Variants in FOXD2 observed in about 807,000 individuals in gnomAD.
FOXD2 encodes forkhead box protein D2.
In FOXD2, 4 loss-of-function variants were observed where a neutral mutation model predicts 6.4. The observed-to-expected ratio is 0.62, with a 90% CI of 0.31 to 1.42. The LOEUF (loss-of-function observed/expected upper bound fraction) is 1.42, where lower values mean the gene tolerates loss of function less well. Among genes scored for constraint, FOXD2 ranks in the 40% most tolerant of loss-of-function variants. FOXD2 has a pLI of 0.08. For missense variants in FOXD2, 709 were observed against 766.8 expected (o/e 0.92, Z 0.89); for synonymous variants, 393 against 373.6 (o/e 1.05, Z -0.60).
rs983644606 is a variant in FOXD2 at position 47,438,060 on chromosome 1, C to T, written c.-76C>T. The T allele has an allele frequency of 5.9e-4, 764 of 1,285,642 alleles. 1 individual carries two copies. Among genetic ancestry groups the T allele is most frequent in the Middle Eastern group, 2.4e-3 (8 of 3,334 alleles). 79.6% of individuals were successfully genotyped at this position (1,285,642 alleles called of 1,614,324 possible). A position where few individuals can be genotyped will look rare whatever the true frequency, so the allele number is the denominator to read the frequency against. ...CGCCCGCGCGCAAAACGCACTCGCC[C>T]CAGAGGCAGCGCGGCCGAGCCCGAG... On this transcript the variant is annotated 5_prime_UTR_variant, in exon 1 of 1. Coordinates refer to ENST00000334793, the MANE Select transcript of FOXD2 (RefSeq NM_004474.4).
chr1:47,439,859 C>A lies in FOXD2; in HGVS notation c.*236C>A. ...CGCGAAGAAGTCGCAGGCCAAGATTCTTTACAGTTTGAGAAATAAAAGCAG... is the reference window on the plus strand; with the variant it reads ...CGCGAAGAAGTCGCAGGCCAAGATTATTTACAGTTTGAGAAATAAAAGCAG... On this transcript the variant is annotated 3_prime_UTR_variant, in exon 1 of 1. Coordinates refer to ENST00000334793, the MANE Select transcript of FOXD2 (RefSeq NM_004474.4). The A allele has an allele frequency of 2.0e-6, 1 of 512,720 alleles. No homozygotes were observed. Among genetic ancestry groups the A allele is most frequent in the South Asian group, 3.0e-5 (1 of 32,884 alleles). 31.8% of individuals were successfully genotyped at this position (512,720 alleles called of 1,614,324 possible). A position where few individuals can be genotyped will look rare whatever the true frequency, so the allele number is the denominator to read the frequency against.
rs758877986 is a variant in FOXD2 at position 47,438,484 on chromosome 1, G to C, written c.349G>C (p.Gly117Arg). The change falls in exon 1 of 1, where the codon GGG becomes CGG. Residue 117 changes from glycine to arginine, a missense_variant. Transcript: ENST00000334793. ...GGGGCCCGGGCCGGGACCGCCGTCG[G>C]GGGGCGCGGCGACGCGGAGCCCGCT... ...AAGPGPGPPS[G>R]GAATRSPLVK... is the part of the protein sequence containing the mutation. 4.5e-6 allele frequency: 7 copies of C among 1,569,558 alleles called. No individual in the cohort carries two copies. The highest frequency in any genetic ancestry group is 2.5e-5 in the East Asian group (1 of 40,360).
Position 47,439,556 on chromosome 1 carries a change from A to G in FOXD2, c.1421A>G (p.Asp474Gly). 6.4e-7 allele frequency: 1 copy of G among 1,554,810 alleles called. No homozygotes were observed. ...AGHIRLSHPG[D>G]ALLSSGSRFA... ...CACATTCGCCTCTCGCATCCCGGGG[A>G]CGCGCTGCTGTCCTCAGGGTCCCGG... Residue 474 changes from aspartate (D) to glycine (G), a missense_variant, in exon 1 of 1, where the codon GAC becomes GGC. Physicochemically the swap from Asp to Gly is moderately conservative, Grantham distance 94. Transcript: ENST00000334793.
Position 47,438,147 on chromosome 1 carries a change from C to T in FOXD2, c.12C>T (p.Gly4=). Residue 4 remains glycine (G), a synonymous_variant, in exon 1 of 1, where the codon GGC becomes GGT. Transcript: ENST00000334793. ...GCGGCAGCGGCACCATGACCCTGGG[C>T]AGCTGCTGCTGCGAGATCATGTCCT... The part of the protein sequence containing the change: MTL[G]SCCCEIMSSE... 6.9e-7 allele frequency: 1 copy of T among 1,455,046 alleles called. No homozygotes were observed. Among genetic ancestry groups the T allele is most frequent in the African/African-American group, 1.5e-5 (1 of 68,144 alleles). 90.1% of individuals were successfully genotyped at this position (1,455,046 alleles called of 1,614,324 possible).
At position 47,439,092 on chromosome 1, in the gene FOXD2, A is replaced by C; in HGVS notation, c.957A>C (p.Pro319=). ...CCCCAGGCCGCGCCGCCGCGCCTCCACCCGGACCTCCGACGGCCTCGGTGT... is the reference window on the plus strand; with the variant it reads ...CCCCAGGCCGCGCCGCCGCGCCTCCCCCCGGACCTCCGACGGCCTCGGTGT... The part of the protein sequence containing the change: ...SVPPGRAAAP[P]PGPPTASVFA... The change falls in exon 1 of 1, where the codon CCA becomes CCC. Residue 319 remains proline (P), a synonymous_variant. Coordinates refer to ENST00000334793, the MANE Select transcript of FOXD2 (RefSeq NM_004474.4). The C allele has an allele frequency of 6.9e-7, 1 of 1,454,922 alleles. No homozygotes were observed. The highest frequency in any genetic ancestry group is 9.0e-7 in the Non-Finnish European group (1 of 1,108,962). 90.1% of individuals were successfully genotyped at this position (1,454,922 alleles called of 1,614,324 possible).
rs760337978 is a variant in FOXD2, at chr1:47,439,459, G to A, written c.1324G>A (p.Ala442Thr). 1 of 1,543,006 alleles carries A rather than the reference G, an allele frequency of 6.5e-7. No homozygotes were observed. Residue 442 changes from alanine (A) to threonine (T), a missense_variant, in exon 1 of 1, where the codon GCC becomes ACC. This residue lies in a region of FOXD2 where 322 missense variants were observed against 313.8 expected (regional missense o/e 1.03). Transcript: ENST00000334793. The stretch of plus-strand genomic sequence containing the variant: ...CTCTCCGGGACCGCCATTCGCGGCA[G>A]CCGCGGGTCCTGGGGGCCAAGCCCA... ...EGSPGPPFAA[A>T]AGPGGQAQVL... is the part of the protein sequence containing the mutation.
Position 47,439,357 on chromosome 1 carries a change from C to A in FOXD2, c.1222C>A (p.Gln408Lys). Reference sequence around the variant, plus strand: ...AGGCGGCGGGGGCGCCGGGGCAGGGCAGAGGCCTTCCTTCTCTATAGACCA... The same window carrying A: ...AGGCGGCGGGGGCGCCGGGGCAGGGAAGAGGCCTTCCTTCTCTATAGACCA... ...GAGGGGAGAG[Q>K]RPSFSIDHIM... The change falls in exon 1 of 1, where the codon CAG (glutamine) becomes AAG (lysine). Residue 408 changes from glutamine to lysine, a missense_variant. Transcript: ENST00000334793. 6.6e-7 allele frequency: 1 copy of A among 1,510,546 alleles called. No individual in the cohort carries two copies. Among genetic ancestry groups the A allele is most frequent in the South Asian group, 1.3e-5 (1 of 79,324 alleles). 93.6% of individuals were successfully genotyped at this position (1,510,546 alleles called of 1,614,324 possible). A position where few individuals can be genotyped will look rare whatever the true frequency, so the allele number is the denominator to read the frequency against.
In FOXD2 at chr1:47,439,722, C is replaced by T. The variant is rs901601602; in HGVS notation, c.*99C>T. On this transcript the variant is annotated 3_prime_UTR_variant, in exon 1 of 1. Transcript: ENST00000334793. The stretch of plus-strand genomic sequence containing the variant: ...CTCAGGGAGTCTATTTATGAAGTCT[C>T]CAGACCTTGGGCCGGCACGCGTGAC... 1.7e-6 allele frequency: 2 copies of T among 1,181,506 alleles called. No individual in the cohort carries two copies. Among genetic ancestry groups the T allele is most frequent in the Admixed American group, 5.6e-5 (2 of 35,844 alleles). 73.2% of individuals were successfully genotyped at this position (1,181,506 alleles called of 1,614,324 possible).
rs568961280 is a variant in FOXD2, at chr1:47,440,548, G to C, written c.*925G>C. 3 of 167,268 alleles carry C rather than the reference G, an allele frequency of 1.8e-5. No individual in the cohort carries two copies. The South Asian group carries it at 6.2e-4, about 35-fold the overall frequency. 10.4% of individuals were successfully genotyped at this position (167,268 alleles called of 1,614,324 possible). ...CAGCGCGCTGCTCTCGGCGTTCTCT[G>C]TCCACTGGGTGTGCATTGATTTAAA... On this transcript the variant is annotated 3_prime_UTR_variant, in exon 1 of 1. Coordinates refer to ENST00000334793, the MANE Select transcript of FOXD2 (RefSeq NM_004474.4).
Position 47,439,857 on chromosome 1 carries a change from T to C in FOXD2, c.*234T>C, listed in dbSNP as rs1646998336. On this transcript the variant is annotated 3_prime_UTR_variant, in exon 1 of 1. Transcript: ENST00000334793. ...TACGCGAAGAAGTCGCAGGCCAAGA[T>C]TCTTTACAGTTTGAGAAATAAAAGC... 1.9e-6 allele frequency: 1 copy of C among 517,610 alleles called. No homozygotes were observed. Among genetic ancestry groups the C allele is most frequent in the East Asian group, 3.6e-5 (1 of 27,552 alleles). The allele number at this position is 517,610 out of a possible 1,614,324, so 32.1% of individuals were successfully genotyped here.
At position 47,438,643 on chromosome 1, in the gene FOXD2, G is replaced by T; in HGVS notation, c.508G>T (p.Ala170Ser). 1.9e-6 allele frequency: 3 copies of T among 1,613,948 alleles called. No individual in the cohort carries two copies. The highest frequency in any genetic ancestry group is 2.5e-6 in the Non-Finnish European group (3 of 1,179,954). The change falls in exon 1 of 1, where the codon GCC becomes TCC. Residue 170 changes from alanine (A) to serine (S), a missense_variant. This residue lies in a region of FOXD2 where 69 missense variants were observed against 145.6 expected (regional missense o/e 0.47). Coordinates refer to ENST00000334793, the MANE Select transcript of FOXD2 (RefSeq NM_004474.4). ...RFPYYREKFPAWQNSIRHNLS... is the reference protein window; with the variant it reads ...RFPYYREKFPSWQNSIRHNLS... ...CCCCTACTACCGGGAGAAGTTCCCCGCCTGGCAGAACAGCATCCGCCACAA... is the reference window on the plus strand; with the variant it reads ...CCCCTACTACCGGGAGAAGTTCCCCTCCTGGCAGAACAGCATCCGCCACAA...
Position 47,439,083 on chromosome 1 carries a change from C to A in FOXD2, c.948C>A (p.Ala316=). The change falls in exon 1 of 1, where the codon GCC becomes GCA. Residue 316 remains alanine (A), a synonymous_variant. Transcript: ENST00000334793. ...CQLSVPPGRA[A]APPPGPPTAS... ...TGTCGGTACCCCCAGGCCGCGCCGC[C>A]GCGCCTCCACCCGGACCTCCGACGG... The A allele has an allele frequency of 6.9e-7, 1 of 1,449,000 alleles. No homozygotes were observed. Among genetic ancestry groups the A allele is most frequent in the Non-Finnish European group, 9.0e-7 (1 of 1,105,628 alleles). The allele number at this position is 1,449,000 out of a possible 1,614,324, so 89.8% of individuals were successfully genotyped here. A position where few individuals can be genotyped will look rare whatever the true frequency, so the allele number is the denominator to read the frequency against.
rs1442691222 is a variant in FOXD2 at position 47,438,308 on chromosome 1, C to G, written c.173C>G (p.Pro58Arg). The G allele has an allele frequency of 3.1e-6, 4 of 1,306,010 alleles. No homozygotes were observed. The African/African-American group carries it at 6.2e-5, about 20-fold the overall frequency. The allele number at this position is 1,306,010 out of a possible 1,614,324, so 80.9% of individuals were successfully genotyped here. A position where few individuals can be genotyped will look rare whatever the true frequency, so the allele number is the denominator to read the frequency against. Reference protein sequence around the residue: ...PRDVLPHGHEPPAEEAEADLA... With the variant: ...PRDVLPHGHERPAEEAEADLA... ...GACGTGCTCCCCCACGGCCACGAGCCTCCCGCGGAGGAAGCCGAGGCAGAC... is the reference window on the plus strand; with the variant it reads ...GACGTGCTCCCCCACGGCCACGAGCGTCCCGCGGAGGAAGCCGAGGCAGAC... Residue 58 changes from proline to arginine, a missense_variant, in exon 1 of 1, where the codon CCT becomes CGT. Coordinates refer to ENST00000334793, the MANE Select transcript of FOXD2 (RefSeq NM_004474.4).
Position 47,439,283 on chromosome 1 carries a change from C to T in FOXD2, c.1148C>T (p.Pro383Leu), listed in dbSNP as rs1256738091. ...GCAGCCGGCACCGCGGCGGGTCTGC[C>T]CACCGCACTTCTGCGCCAGGGCCTC... ...PPAAGTAAGL[P>L]TALLRQGLKT... Residue 383 changes from proline (P) to leucine (L), a missense_variant, in exon 1 of 1, where the codon CCC (proline) becomes CTC (leucine). This residue lies in a region of FOXD2 where 322 missense variants were observed against 313.8 expected (regional missense o/e 1.03). Transcript: ENST00000334793. 6.7e-7 allele frequency: 1 copy of T among 1,500,892 alleles called. No homozygotes were observed. Among genetic ancestry groups the T allele is most frequent in the Non-Finnish European group, 8.8e-7 (1 of 1,137,256 alleles). The allele number at this position is 1,500,892 out of a possible 1,614,324, so 93.0% of individuals were successfully genotyped here.
chr1:47,438,263 C>T lies in FOXD2; in HGVS notation c.128C>T (p.Ser43Phe). ...GSGGGELPAR[S>F]GPRAPRDVLP... Reference sequence around the variant, plus strand: ...GGCGGGGGGGAGCTCCCAGCTCGCTCCGGGCCCCGCGCCCCCCGGGACGTG... The same window carrying T: ...GGCGGGGGGGAGCTCCCAGCTCGCTTCGGGCCCCGCGCCCCCCGGGACGTG... The change falls in exon 1 of 1, where the codon TCC becomes TTC. Residue 43 changes from serine (S) to phenylalanine (F), a missense_variant. By Grantham distance (155) the Ser-to-Phe change is radical. Around this residue, in one of 5 missense-constraint regions of FOXD2, gnomAD observed 220 missense variants for 199.2 expected, o/e 1.10. Coordinates refer to ENST00000334793, the MANE Select transcript of FOXD2 (RefSeq NM_004474.4). 7.3e-7 allele frequency: 1 copy of T among 1,363,690 alleles called. No homozygotes were observed. Among genetic ancestry groups the T allele is most frequent in the East Asian group, 3.1e-5 (1 of 32,446 alleles). The allele number at this position is 1,363,690 out of a possible 1,614,324, so 84.5% of individuals were successfully genotyped here.
Position 47,439,574 on chromosome 1 carries a change from G to A in FOXD2, c.1439G>A (p.Gly480Glu), listed in dbSNP as rs775848855. 21 of 1,558,006 alleles carry A rather than the reference G, an allele frequency of 1.3e-5. No individual in the cohort carries two copies. The highest frequency in any genetic ancestry group is 1.8e-5 in the Non-Finnish European group (21 of 1,151,624). The change falls in exon 1 of 1, where the codon GGG becomes GAG. Residue 480 changes from glycine (G) to glutamate (E), a missense_variant. By Grantham distance (98) the Gly-to-Glu change is moderately conservative. Transcript: ENST00000334793. ...CCCGGGGACGCGCTGCTGTCCTCAG[G>A]GTCCCGGTTTGCCAGCAAAGTCGCC... ...SHPGDALLSSGSRFASKVAGL... is the reference protein window; with the variant it reads ...SHPGDALLSSESRFASKVAGL...
chr1:47,438,783 C>T lies in FOXD2; in HGVS notation c.648C>T (p.Phe216=), dbSNP rs1475902323. ...ESADMFDNGS[F]LRRRKRFKRQ... ...CCGACATGTTCGACAACGGCAGCTT[C>T]CTGCGGCGTCGCAAGCGCTTCAAGC... is the stretch of plus-strand genomic sequence containing the variant. The change falls in exon 1 of 1, where the codon TTC becomes TTT. Residue 216 remains phenylalanine, a synonymous_variant. Coordinates refer to ENST00000334793, the MANE Select transcript of FOXD2 (RefSeq NM_004474.4). 1.2e-6 allele frequency: 2 copies of T among 1,613,314 alleles called. No homozygotes were observed. The highest frequency in any genetic ancestry group is 2.7e-5 in the African/African-American group (2 of 74,910).
chr1:47,438,128 G>T lies in FOXD2; in HGVS notation c.-8G>T. ...CCGGAGAGTGGCGGCGGCGGCGGCA[G>T]CGGCACCATGACCCTGGGCAGCTGC... On this transcript the variant is annotated 5_prime_UTR_variant, in exon 1 of 1. Transcript: ENST00000334793. The T allele has an allele frequency of 7.1e-7, 1 of 1,414,054 alleles. No homozygotes were observed. The highest frequency in any genetic ancestry group is 3.0e-5 in the Admixed American group (1 of 33,738). 87.6% of individuals were successfully genotyped at this position (1,414,054 alleles called of 1,614,324 possible).
At position 47,438,129 on chromosome 1, in the gene FOXD2, C is replaced by A; in HGVS notation, c.-7C>A. 2.1e-6 allele frequency: 3 copies of A among 1,412,110 alleles called. No homozygotes were observed. The highest frequency in any genetic ancestry group is 3.0e-5 in the East Asian group (1 of 32,812). 87.5% of individuals were successfully genotyped at this position (1,412,110 alleles called of 1,614,324 possible). A position where few individuals can be genotyped will look rare whatever the true frequency, so the allele number is the denominator to read the frequency against. ...CGGAGAGTGGCGGCGGCGGCGGCAG[C>A]GGCACCATGACCCTGGGCAGCTGCT... On this transcript the variant is annotated 5_prime_UTR_variant, in exon 1 of 1. Transcript: ENST00000334793.
Sources: gnomAD v4.1 joint callset for allele counts on GRCh38, gnomAD v4.1.1 for gene constraint, gnomAD v4.1.1 regional missense constraint, MANE v1.5 for transcripts, NCBI Gene and HGNC (gene_info 2026-07-23, HGNC 2026-07-21) for gene names.